BDP1: variants seen among roughly 807,000 people sequenced by gnomAD.
BDP1 encodes the protein BDP1 general transcription factor IIIB subunit, also known as transcription factor TFIIIB component B'' homolog.
BDP1 carries 169 observed loss-of-function variants against 266.6 expected under a neutral mutation model. The ratio of observed to expected loss-of-function variants is 0.63; its 90% CI spans 0.56 to 0.72. The LOEUF is 0.72. Among genes scored for constraint, BDP1 ranks in the 30% least tolerant of loss-of-function variants. The pLI, the probability that BDP1 is intolerant of heterozygous loss-of-function variation, is 0.00. For missense variants in BDP1, 3,015 were observed against 3,053.8 expected, an observed-to-expected ratio of 0.99 and a Z score of 0.30; for synonymous variants, 1,090 against 1,022.4, an observed-to-expected ratio of 1.07 and a Z score of -1.26.
Position 71,504,738 on chromosome 5 carries a change from A to G in BDP1, c.2359A>G (p.Asn787Asp), listed in dbSNP as rs763938370. The change falls in exon 16 of 39, where the codon AAT (asparagine) becomes GAT (aspartate). Residue 787 changes from asparagine (N) to aspartate (D), a missense_variant. Physicochemically the swap from Asn to Asp is conservative, Grantham distance 23. Around this residue, in one of 3 missense-constraint regions of BDP1, gnomAD observed 2,383 missense variants for 2,404.9 expected, o/e 0.99. Transcript: ENST00000358731. ...GCAGCCAGATGAGCCCAAGGTTCTT[A>G]ATGAATGTCTAAGGTAAGCATCATT... ...NVQPDEPKVL[N>D]ECLSVQENNK... The G allele has an allele frequency of 1.9e-6, 3 of 1,613,260 alleles. No homozygotes were observed. In the Admixed American group the frequency reaches 5.0e-5, roughly 27 times the overall value.
intron 16 of BDP1, among the ~76,000 whole-genome samples, chr5:71,507,236 C>G (rs573435841): frequency 3.3e-5 from 5 of 152,130 alleles, no homozygotes; most frequent in Non-Finnish European, 5.9e-5. Context: ...ATTCATGATC[C>G]TCTTGTTTTG....
chr5:71,502,935 C>A, intron 15 of BDP1, 144 bp downstream of exon 15: 1 of 657,574 alleles, frequency 1.5e-6, no homozygotes, highest in Non-Finnish European at 2.4e-6. Context: ...GTCGCCCAGG[C>A]TGGAATGCAG....
Position 71,524,049 on chromosome 5 carries a change from A to G in BDP1, c.5498A>G (p.His1833Arg), listed in dbSNP as rs1305686895. The change falls in exon 25 of 39, where the codon CAT becomes CGT. Residue 1833 changes from histidine to arginine, a missense_variant. Physicochemically the swap from His to Arg is conservative, Grantham distance 29. Coordinates refer to ENST00000358731, the MANE Select transcript of BDP1 (RefSeq NM_018429.3). ...AGAAATCGTGGTGAAAGGAGAAGTC[A>G]TAAAAAGTTCAAACCAAATGTCACC... ...YERNRGERRSHKKFKPNVTRG... is the reference protein window; with the variant it reads ...YERNRGERRSRKKFKPNVTRG... 1 of 1,614,246 alleles carries G rather than the reference A, an allele frequency of 6.2e-7. No individual in the cohort carries two copies. Among genetic ancestry groups the G allele is most frequent in the Non-Finnish European group, 8.5e-7 (1 of 1,180,056 alleles).
chr5:71,516,480 G>T (rs1031644164), intron 21 of BDP1, among the ~76,000 whole-genome samples: 3 of 151,784 alleles, frequency 2.0e-5, no homozygotes, highest in African/African-American at 7.3e-5. Context: ...GCTATTCATC[G>T]TAAAATGTTC....
chr5:71,520,052 G>A (rs907620966), intron 22 of BDP1, among the ~76,000 whole-genome samples: 14 of 152,098 alleles, frequency 9.2e-5, no homozygotes, highest in South Asian at 4.1e-4. Context: ...TTGCGTTTCC[G>A]TGATGATTAA....
rs747444245 is a variant in BDP1 at position 71,539,614 on chromosome 5, T to C, written c.5987T>C (p.Val1996Ala). ...ACTTTACTTACAATGGGAGATCTAG[T>C]ATTGCAGTCAGAGATCAGTAGTGAA... Reference protein sequence around the residue: ...AITLLTMGDLVLQSEISSEQG... With the variant: ...AITLLTMGDLALQSEISSEQG... Residue 1996 changes from valine to alanine, a missense_variant, in exon 28 of 39, where the codon GTA (valine) becomes GCA (alanine). Physicochemically the swap from Val to Ala is moderately conservative, Grantham distance 64. This residue lies in a region of BDP1 where 2,383 missense variants were observed against 2,404.9 expected (regional missense o/e 0.99). Transcript: ENST00000358731. The C allele has an allele frequency of 3.7e-6, 6 of 1,612,302 alleles. No homozygotes were observed. The highest frequency in any genetic ancestry group is 4.2e-6 in the Non-Finnish European group (5 of 1,179,190).
rs573210834 is a variant in BDP1, at chr5:71,496,645, C to G, written c.1800-625C>G. Among the ~76,000 whole-genome samples, 3 of 152,188 alleles carry G rather than the reference C, an allele frequency of 2.0e-5. No homozygotes were observed. The East Asian group carries it at 5.8e-4, about 30-fold the overall frequency. On this transcript the variant is annotated intron_variant, in intron 12 of 38. Transcript: ENST00000358731. The stretch of plus-strand genomic sequence containing the variant: ...TCACCCAGGCTGGAGTGCAGTGGCA[C>G]CATCTTGGCTCACTGCAACCCCCGC...
rs1231680839 is a variant in BDP1 at position 71,564,854 on chromosome 5, A to G, written c.7844A>G (p.Asp2615Gly). The change falls in exon 39 of 39, where the codon GAT (aspartate) becomes GGT (glycine). Residue 2615 changes from aspartate (D) to glycine (G), a missense_variant. Coordinates refer to ENST00000358731, the MANE Select transcript of BDP1 (RefSeq NM_018429.3). ...ACAGTCTCTGAATATTTCTTCAATG[A>G]TATCTTCATTGAAGTGGATGAAACA... ...ATTVSEYFFN[D>G]IFIEVDETE 3 of 1,609,278 alleles carry G rather than the reference A, an allele frequency of 1.9e-6. No individual in the cohort carries two copies. The highest frequency in any genetic ancestry group is 1.7e-6 in the Non-Finnish European group (2 of 1,179,096).
Position 71,502,652 on chromosome 5 carries a change from C to T in BDP1, c.2102C>T (p.Pro701Leu). ...QEGSQLKALR[P>L]VQVRGRLQKP... ...GGGAGTCAACTAAAGGCTTTAAGAC[C>T]TGTACAAGTGAGGGGCCGATTGCAA... Residue 701 changes from proline (P) to leucine (L), a missense_variant, in exon 15 of 39, where the codon CCT becomes CTT. Transcript: ENST00000358731. 3 of 1,613,782 alleles carry T rather than the reference C, an allele frequency of 1.9e-6. No homozygotes were observed. Among genetic ancestry groups the T allele is most frequent in the Non-Finnish European group, 2.5e-6 (3 of 1,179,890 alleles).
chr5:71,485,854 TA>T (rs568590261), intron 8 of BDP1, among the ~76,000 whole-genome samples: 1 of 152,274 alleles, frequency 6.6e-6, no homozygotes, highest in East Asian at 1.9e-4. Flanking sequence ...TCTCAGTCCA[TA>T]AAAAAATTGA....
At chr5:71,506,832 T>A (rs1365925828) in intron 16 of BDP1, among the ~76,000 whole-genome samples, 1 of 135,506 alleles carries the variant, frequency 7.4e-6, no homozygotes, top group African/African-American at 2.6e-5. Context: ...CACCCATATT[T>A]TTTTAAAGAC....
In BDP1 at chr5:71,560,006, T is replaced by C. The variant is rs755622392; in HGVS notation, c.7265T>C (p.Ile2422Thr). 8 of 1,613,828 alleles carry C rather than the reference T, an allele frequency of 5.0e-6. No individual in the cohort carries two copies. In the East Asian group the frequency reaches 1.8e-4, roughly 36 times the overall value. The change falls in exon 37 of 39, where the codon ATT becomes ACT. Residue 2422 changes from isoleucine to threonine, a missense_variant. This residue lies in a region of BDP1 where 629 missense variants were observed against 632.5 expected (regional missense o/e 0.99). Transcript: ENST00000358731. ...GGGGAGTCTCACAAGGGACAAGATATTTTTCTTACCTCAGGAAGCACACTG... is the reference window on the plus strand; with the variant it reads ...GGGGAGTCTCACAAGGGACAAGATACTTTTCTTACCTCAGGAAGCACACTG... ...ETGESHKGQD[I>T]FLTSGSTLTT...
Position 71,489,499 on chromosome 5 carries a change from A to G in BDP1, c.1309A>G (p.Thr437Ala). 1 of 1,614,168 alleles carries G rather than the reference A, an allele frequency of 6.2e-7. No individual in the cohort carries two copies. The change falls in exon 10 of 39, where the codon ACA (threonine) becomes GCA (alanine). Residue 437 changes from threonine to alanine, a missense_variant. Thr to Ala is a moderately conservative substitution (Grantham distance 58). Around this residue, in one of 3 missense-constraint regions of BDP1, gnomAD observed 2,383 missense variants for 2,404.9 expected, o/e 0.99. Coordinates refer to ENST00000358731, the MANE Select transcript of BDP1 (RefSeq NM_018429.3). ...GGAAAGATCTCAGAAGGATGCTCAGACAGTTGAAGAAGAGTCTCTGACCTT... is the reference window on the plus strand; with the variant it reads ...GGAAAGATCTCAGAAGGATGCTCAGGCAGTTGAAGAAGAGTCTCTGACCTT... Reference protein sequence around the residue: ...DTERSQKDAQTVEEESLTLSR... With the variant: ...DTERSQKDAQAVEEESLTLSR...
intron 25 of BDP1, among the ~76,000 whole-genome samples, chr5:71,530,932 G>A (rs905404614): frequency 1.3e-5 from 2 of 152,162 alleles, no homozygotes; most frequent in Non-Finnish European, 1.5e-5. Flanking sequence ...ACAAAAATTA[G>A]GCATGGTGGC....
Position 71,554,977 on chromosome 5 carries a change from AAAAAGTTT to A in BDP1, c.7200+1659_7200+1666del, listed in dbSNP as rs113150311. Among the ~76,000 whole-genome samples, 772 of 152,322 alleles carry A rather than the reference AAAAAGTTT, an allele frequency of 5.1e-3. 7 individuals are homozygous for A. The highest frequency in any genetic ancestry group is 0.017 in the African/African-American group (722 of 41,582). ...TCCTTTGAGTGTCATGTCAGCACTCAAAAAGTTTAGAATTTTGGAGCATTTCGGATTTT... is the reference window on the plus strand; with the variant it reads ...TCCTTTGAGTGTCATGTCAGCACTCAAGAATTTTGGAGCATTTCGGATTTT... On this transcript the variant is annotated intron_variant, in intron 35 of 38. Coordinates refer to ENST00000358731, the MANE Select transcript of BDP1 (RefSeq NM_018429.3).
At chr5:71,534,021 A>C (rs551939448) in intron 26 of BDP1, among the ~76,000 whole-genome samples, 1 of 152,174 alleles carries the variant, frequency 6.6e-6, no homozygotes. Context: ...ATGATTTGCA[A>C]ATATTTCCTC....
intron 3 of BDP1, among the ~76,000 whole-genome samples, chr5:71,462,434 T>C (rs1761634645): frequency 6.6e-6 from 1 of 152,200 alleles, no homozygotes; most frequent in Non-Finnish European, 1.5e-5. Flanking sequence ...GGATGGTAGA[T>C]TATGCCCTTT....
chr5:71,462,691 CTG>C (rs2150349452), intron 3 of BDP1, among the ~76,000 whole-genome samples: 1 of 152,164 alleles, frequency 6.6e-6, no homozygotes, highest in African/African-American at 2.4e-5. Flanking sequence ...GCATTTGAGG[CTG>C]CAGTGAACCA....
At chr5:71,516,325 A>G (rs967077932) in intron 21 of BDP1, 54 bp downstream of exon 21, 9 of 1,335,678 alleles carry the variant, frequency 6.7e-6, no homozygotes, top group Non-Finnish European at 5.3e-6. Flanking sequence ...TAAAATGTCA[A>G]GTTATAGCTC....
Sources: allele counts gnomAD v4.1 joint callset (sites outside exome capture counted in the v4.1 genomes callset), GRCh38; gene constraint gnomAD v4.1.1; regional missense constraint gnomAD v4.1.1; transcripts MANE v1.5; gene names NCBI Gene and HGNC (gene_info 2026-07-23, HGNC 2026-07-21).